Variants in FLT4 observed in about 807,000 individuals in gnomAD.
FLT4 encodes fms related receptor tyrosine kinase 4, also known as vascular endothelial growth factor receptor 3.
In FLT4, 30 loss-of-function variants were observed where a neutral mutation model predicts 163.2. That is an observed-to-expected ratio of 0.18 (90% CI 0.14 to 0.25). FLT4 has a LOEUF of 0.25. Ranked by LOEUF, FLT4 falls within the 10% of genes least tolerant of loss-of-function variation. The pLI is 1.00. For missense variants in FLT4, 1,510 were observed against 1,863.8 expected (o/e 0.81, Z 3.50); for synonymous variants, 884 against 789.5 (o/e 1.12, Z -2.01).
Position 180,636,406 on chromosome 5 carries a change from C to G in FLT4, c.59-4628G>C, listed in dbSNP as rs1461327139. Among the ~76,000 whole-genome samples the G allele has an allele frequency of 6.6e-6, 1 of 152,114 alleles. No homozygotes were observed. Among genetic ancestry groups the G allele is most frequent in the South Asian group, 2.1e-4 (1 of 4,830 alleles). ...CTCCACCCCACATGCCTGAACTCCTCGCAGCCACCTGCCCTCCCTACAGCA... is the reference window on the plus strand; with the variant it reads ...CTCCACCCCACATGCCTGAACTCCTGGCAGCCACCTGCCCTCCCTACAGCA... On this transcript the variant is annotated intron_variant, in intron 1 of 29. Transcript: ENST00000261937. This position sits in a 1 kb window ranked among gnomAD's most constrained non-coding sequence, Gnocchi z 4.3.
At chr5:180,613,629 G>A (rs1383223776) in intron 24 of FLT4, 9 of 304,800 alleles carry the variant, frequency 3.0e-5, no homozygotes, top group South Asian at 1.1e-4. Flanking sequence ...TTTAGTTTCC[G>A]CAGTAGCGTG....
chr5:180,613,331 T>C, intron 24 of FLT4: 1 of 494,182 alleles, frequency 2.0e-6, no homozygotes, highest in South Asian at 3.9e-5. Flanking sequence ...AAAAGAGGAC[T>C]GTGCCGCCTG....
At chr5:180,647,829 T>C (rs2127876283) in intron 1 of FLT4, among the ~76,000 whole-genome samples, 1 of 152,186 alleles carries the variant, frequency 6.6e-6, no homozygotes, top group South Asian at 2.1e-4. Flanking sequence ...ACTGGGTCAC[T>C]AAGAGTCACT....
In FLT4 at chr5:180,630,660, G is replaced by A. The variant is rs1401667390; in HGVS notation, c.295C>T (p.His99Tyr). Residue 99 changes from histidine (H) to tyrosine (Y), a missense_variant, in exon 3 of 30, where the codon CAC (histidine) becomes TAC (tyrosine). By Grantham distance (83) the His-to-Tyr change is moderately conservative. Around this residue, in one of 5 missense-constraint regions of FLT4, gnomAD observed 157 missense variants for 178.7 expected, o/e 0.88. Coordinates refer to ENST00000261937, the MANE Select transcript of FLT4 (RefSeq NM_182925.5). The surrounding 1 kb of genome is among the most constrained non-coding windows in gnomAD (Gnocchi z 6.3). ...ARPYCKVLLLHEVHANDTGSY... is the reference protein window; with the variant it reads ...ARPYCKVLLLYEVHANDTGSY... Reference sequence around the variant, plus strand: ...CCTGTGTCGTTGGCATGTACCTCGTGCAGCAGCAACACCTTGCAGTAGGGC... The same window carrying A: ...CCTGTGTCGTTGGCATGTACCTCGTACAGCAGCAACACCTTGCAGTAGGGC... 1.2e-6 allele frequency: 2 copies of A among 1,613,038 alleles called. No homozygotes were observed. Among genetic ancestry groups the A allele is most frequent in the Admixed American group, 3.3e-5 (2 of 60,010 alleles).
rs774554521 is a variant in FLT4, at chr5:180,616,378, G to C, written c.3208C>G (p.Arg1070Gly). 2.5e-6 allele frequency: 4 copies of C among 1,613,940 alleles called. No homozygotes were observed. The highest frequency in any genetic ancestry group is 2.2e-5 in the East Asian group (1 of 44,888). The change falls in exon 23 of 30, where the codon CGC (arginine) becomes GGC (glycine). Residue 1070 changes from arginine to glycine, a missense_variant. Arg to Gly is a moderately radical substitution (Grantham distance 125). Around this residue, in one of 5 missense-constraint regions of FLT4, gnomAD observed 878 missense variants for 1,016.7 expected, o/e 0.86. Coordinates refer to ENST00000261937, the MANE Select transcript of FLT4 (RefSeq NM_182925.5). ...RDIYKDPDYV[R>G]KGSARLPLKW... ...TGGCCTGCACTCACACTGCCCTTGC[G>C]GACGTAGTCGGGGTCTTTGTAGATG...
At position 180,621,056 on chromosome 5, in the gene FLT4, C is replaced by T. The variant is rs2242214; in HGVS notation, c.2168-49G>A. 0.23 allele frequency: 375,984 copies of T among 1,611,708 alleles called. 45,077 individuals are homozygous for T. The highest frequency in any genetic ancestry group is 0.33 in the Middle Eastern group (1,985 of 6,058). On this transcript the variant is annotated intron_variant, in intron 14 of 29. Coordinates refer to ENST00000261937, the MANE Select transcript of FLT4 (RefSeq NM_182925.5). The stretch of plus-strand genomic sequence containing the variant: ...CGGGTCCACCTGGGTTTGGGATCGT[C>T]GGCCTCGCGGGCCTCCGGACCTGCC...
rs765166667 is a variant in FLT4, at chr5:180,611,494, A to G, written c.3538-15T>C. 6 of 1,612,290 alleles carry G rather than the reference A, an allele frequency of 3.7e-6. No individual in the cohort carries two copies. The highest frequency in any genetic ancestry group is 5.1e-6 in the Non-Finnish European group (6 of 1,179,652). ...TCCTCTTCCTCCTGGCGGGAACAGGAGAGGCAGCCAGGCCAGAAACCACCA... is the reference window on the plus strand; with the variant it reads ...TCCTCTTCCTCCTGGCGGGAACAGGGGAGGCAGCCAGGCCAGAAACCACCA... On this transcript the variant is annotated splice_polypyrimidine_tract_variant and intron_variant, in intron 26 of 29. Coordinates refer to ENST00000261937, the MANE Select transcript of FLT4 (RefSeq NM_182925.5).
At chr5:180,629,061 TC>T (rs1223734974) in intron 7 of FLT4, 62 bp from the exon 8 acceptor site, 25 of 1,497,474 alleles carry the variant, frequency 1.7e-5, no homozygotes, top group South Asian at 1.0e-4. Context: ...GACCAGGGAC[TC>T]CCCCCACGGC....
Position 180,612,606 on chromosome 5 carries a change from C to T in FLT4, c.3437G>A (p.Arg1146His), listed in dbSNP as rs1130379. The part of the protein sequence containing the change: ...APELATPAIR[R>H]IMLNCWSGDP... ...TCCGGACCAGCAGTTCAGCATGATG[C>T]GGCGTCTGCAGGATCACGTGGGCTG... The change falls in exon 26 of 30, where the codon CGC becomes CAC. Residue 1146 changes from arginine (R) to histidine (H), a missense_variant. By Grantham distance (29) the Arg-to-His change is conservative. Transcript: ENST00000261937. 151,802 of 1,611,386 alleles carry T rather than the reference C, an allele frequency of 0.094. 8,199 individuals carry two copies. The highest frequency in any genetic ancestry group is 0.11 in the Non-Finnish European group (128,419 of 1,177,502).
At chr5:180,633,001 C>G (rs1764302520) in intron 1 of FLT4, among the ~76,000 whole-genome samples, 1 of 151,940 alleles carries the variant, frequency 6.6e-6, no homozygotes, top group East Asian at 1.9e-4. Flanking sequence ...CCAGGCCCCT[C>G]CCGTCCAACA....
chr5:180,630,786 G>T lies in FLT4; in HGVS notation c.169C>A (p.Leu57Ile). The T allele has an allele frequency of 6.2e-7, 1 of 1,604,206 alleles. No homozygotes were observed. The highest frequency in any genetic ancestry group is 2.2e-5 in the East Asian group (1 of 44,802). ...TGAGCTCCTGGCCAAGCCCACTCGA[G>T]GGGGTGCTGTCCCCTGGCAGAGGAC... The part of the protein sequence containing the change: ...LSISCRGQHP[L>I]EWAWPGAQEA... Residue 57 changes from leucine (L) to isoleucine (I), a missense_variant, in exon 3 of 30, where the codon CTC becomes ATC. By Grantham distance (5) the Leu-to-Ile change is conservative. Coordinates refer to ENST00000261937, the MANE Select transcript of FLT4 (RefSeq NM_182925.5). This position sits in a 1 kb window ranked among gnomAD's most constrained non-coding sequence, Gnocchi z 6.3.
At chr5:180,625,356 G>A (rs1367650529) in intron 10 of FLT4, among the ~76,000 whole-genome samples, 1 of 152,192 alleles carries the variant, frequency 6.6e-6, no homozygotes, top group East Asian at 1.9e-4. Context: ...CTGTGCCCCT[G>A]GGAAAGCCGC....
rs2127837744 is a variant in FLT4 at position 180,630,348 on chromosome 5, G to A, written c.401-11C>T. Reference sequence around the variant, plus strand: ...ATGGCTGCTCAAAGTCTATGGAGAGGGAGCAAGCTGTTGGGGAAGGGACGT... The same window carrying A: ...ATGGCTGCTCAAAGTCTATGGAGAGAGAGCAAGCTGTTGGGGAAGGGACGT... On this transcript the variant is annotated splice_polypyrimidine_tract_variant and intron_variant, in intron 3 of 29. Transcript: ENST00000261937. This position sits in a 1 kb window ranked among gnomAD's most constrained non-coding sequence, Gnocchi z 6.3. 6.2e-7 allele frequency: 1 copy of A among 1,605,224 alleles called. No individual in the cohort carries two copies. Among genetic ancestry groups the A allele is most frequent in the Non-Finnish European group, 8.5e-7 (1 of 1,178,144 alleles).
intron 1 of FLT4, among the ~76,000 whole-genome samples, chr5:180,641,944 C>T (rs1171904974): frequency 6.6e-6 from 1 of 152,188 alleles, no homozygotes; most frequent in Non-Finnish European, 1.5e-5. Context: ...CACAGTGGCT[C>T]ACGCCTGTAA....
chr5:180,609,254 G>A (rs2127787862), intron 28 of FLT4: 2 of 625,712 alleles, frequency 3.2e-6, no homozygotes, highest in Non-Finnish European at 5.8e-6. Context: ...GAGACACTGA[G>A]GTCAGGGGGG....
chr5:180,625,124 G>A (rs1763501253), intron 10 of FLT4, among the ~76,000 whole-genome samples: 1 of 152,166 alleles, frequency 6.6e-6, no homozygotes, highest in Admixed American at 6.5e-5. Context: ...TAGGTTCCCA[G>A]CTCCCATCCC....
At chr5:180,626,379 G>A (rs1185366570) in intron 8 of FLT4, 114 bp from the exon 9 acceptor site, 1 of 1,145,990 alleles carries the variant, frequency 8.7e-7, no homozygotes, top group Non-Finnish European at 1.3e-6. Context: ...CAGGAGTGCA[G>A]GGTAGGACGG....
Position 180,623,891 on chromosome 5 carries a change from C to T in FLT4, c.1548+44G>A, listed in dbSNP as rs1581658542. On this transcript the variant is annotated intron_variant, in intron 11 of 29. Transcript: ENST00000261937. This position sits in a 1 kb window ranked among gnomAD's most constrained non-coding sequence, Gnocchi z 5.8. ...GGCAGTAATGGCCTCTCTCTCCTCC[C>T]TTCTCCTTCTCCCTGGGCACTCAGC... The T allele has an allele frequency of 1.9e-6, 3 of 1,611,850 alleles. No individual in the cohort carries two copies. Among genetic ancestry groups the T allele is most frequent in the East Asian group, 2.2e-5 (1 of 44,872 alleles).
chr5:180,632,648 C>G (rs1435033693), intron 1 of FLT4, among the ~76,000 whole-genome samples: 1 of 151,750 alleles, frequency 6.6e-6, no homozygotes, highest in Non-Finnish European at 1.5e-5. Context: ...ACACGCGTGC[C>G]TCCATGTGCA....
Sources: allele counts gnomAD v4.1 joint callset (sites outside exome capture counted in the v4.1 genomes callset), GRCh38; gene constraint gnomAD v4.1.1; regional missense constraint gnomAD v4.1.1; non-coding constraint Gnocchi (gnomAD v3.1); transcripts MANE v1.5; gene names NCBI Gene and HGNC (gene_info 2026-07-23, HGNC 2026-07-21).